Variants in SLC25A20 observed in about 807,000 individuals in gnomAD.
The protein encoded by SLC25A20 is solute carrier family 25 member 20.
Under a neutral mutation model 39.7 loss-of-function variants are expected in SLC25A20, and 29 were observed. That is an observed-to-expected ratio of 0.73 (90% CI 0.54 to 1.00). The LOEUF is 1.00. Among genes scored for constraint, SLC25A20 ranks in the 50% least tolerant of loss-of-function variants. SLC25A20 has a pLI of 0.00. For synonymous variants in SLC25A20, 103 were observed against 142.2 expected (o/e 0.72, Z 1.96); for missense variants, 333 against 379.9 (o/e 0.88, Z 1.03).
At chr3:48,890,128 T>C (rs2083862348) in intron 2 of SLC25A20, among the ~76,000 whole-genome samples, 1 of 152,210 alleles carries the variant, frequency 6.6e-6, no homozygotes. Flanking sequence ...TCCAGAGGCC[T>C]AAACCCCTCC....
intron 8 of SLC25A20, 42 bp from the exon 9 acceptor site, chr3:48,857,814 AC>A: frequency 6.3e-7 from 1 of 1,576,344 alleles, no homozygotes; most frequent in Non-Finnish European, 8.7e-7. Flanking sequence ...AGCAGGAATA[AC>A]TATTCATAGA....
At chr3:48,888,343 G>A (rs565979124) in intron 2 of SLC25A20, among the ~76,000 whole-genome samples, 23 of 151,328 alleles carry the variant, frequency 1.5e-4, no homozygotes, top group Admixed American at 3.3e-4. Flanking sequence ...AGGCTGAGGC[G>A]GGCAGATCAC....
intron 4 of SLC25A20, among the ~76,000 whole-genome samples, chr3:48,872,434 G>GTTGATTT (rs1214201517): frequency 1.3e-5 from 2 of 151,076 alleles, no homozygotes; most frequent in East Asian, 3.9e-4. Flanking sequence ...CCGGCCCCCA[G>GTTGATTT]TTGATTTTTT....
At chr3:48,877,025 G>A (rs894173501) in intron 4 of SLC25A20, among the ~76,000 whole-genome samples, 6 of 152,074 alleles carry the variant, frequency 3.9e-5, no homozygotes, top group Non-Finnish European at 7.4e-5. Context: ...GAAGCCAGGA[G>A]GCAGAGGTTG....
intron 4 of SLC25A20, among the ~76,000 whole-genome samples, chr3:48,864,389 T>C (rs1366308043): frequency 7.2e-6 from 1 of 138,766 alleles, no homozygotes; most frequent in Admixed American, 7.3e-5. Context: ...AACAAATATG[T>C]GAATTAAGCA....
At chr3:48,879,570 C>CCCATCTCTACTAAAAA in intron 3 of SLC25A20, 122 bp from the exon 4 acceptor site, 1 of 738,706 alleles carries the variant, frequency 1.4e-6, no homozygotes. Flanking sequence ...GGGTAGAAGC[C>CCCATCTCTACTAAAAA]TAGCCACAAA....
intron 2 of SLC25A20, 150 bp downstream of exon 2, chr3:48,891,829 CA>C (rs1330937010): frequency 4.0e-6 from 3 of 749,072 alleles, no homozygotes; most frequent in Non-Finnish European, 7.5e-6. Flanking sequence ...CAGATGACAA[CA>C]GGGGGGCACA....
chr3:48,876,956 C>T (rs530849746), intron 4 of SLC25A20, among the ~76,000 whole-genome samples: 3 of 151,606 alleles, frequency 2.0e-5, no homozygotes, highest in Non-Finnish European at 4.4e-5. Flanking sequence ...ATTAGCCAGG[C>T]GTGGTGGTGG....
intron 1 of SLC25A20, among the ~76,000 whole-genome samples, chr3:48,894,085 C>T (rs1575993742): frequency 2.0e-5 from 3 of 147,516 alleles, no homozygotes; most frequent in East Asian, 4.3e-4. Flanking sequence ...TGCTTGAACC[C>T]GGGAGGCAGA....
At chr3:48,890,258 C>T (rs2083863219) in intron 2 of SLC25A20, among the ~76,000 whole-genome samples, 1 of 152,174 alleles carries the variant, frequency 6.6e-6, no homozygotes, top group Admixed American at 6.6e-5. Flanking sequence ...AGGATCTCGG[C>T]TCACTGCAAG....
At chr3:48,884,499 G>A (rs543556049) in intron 2 of SLC25A20, among the ~76,000 whole-genome samples, 3 of 151,980 alleles carry the variant, frequency 2.0e-5, no homozygotes, top group Admixed American at 6.6e-5. Flanking sequence ...ACAGGCGTGC[G>A]CCACCATGCC....
At chr3:48,875,264 G>A (rs1467726985) in intron 4 of SLC25A20, among the ~76,000 whole-genome samples, 1 of 151,362 alleles carries the variant, frequency 6.6e-6, no homozygotes, top group African/African-American at 2.4e-5. Context: ...TACCACACCT[G>A]GCTAATTTTT....
intron 1 of SLC25A20, among the ~76,000 whole-genome samples, chr3:48,897,827 G>A (rs1397422825): frequency 6.6e-6 from 1 of 152,174 alleles, no homozygotes; most frequent in Non-Finnish European, 1.5e-5. Context: ...GCAATGACTT[G>A]TCAATTTCCT....
At chr3:48,875,673 C>G (rs71324927) in intron 4 of SLC25A20, among the ~76,000 whole-genome samples, 1 of 152,110 alleles carries the variant, frequency 6.6e-6, no homozygotes, top group African/African-American at 2.4e-5. Flanking sequence ...GCCTCACAAA[C>G]TGCTGGGATT....
intron 1 of SLC25A20, among the ~76,000 whole-genome samples, chr3:48,892,927 A>G (rs567957944): frequency 2.4e-4 from 36 of 152,204 alleles, no homozygotes; most frequent in Non-Finnish European, 4.6e-4. Context: ...AGGAACTGCC[A>G]GACTGTTTTG....
At chr3:48,884,342 G>GT (rs1009899793) in intron 2 of SLC25A20, among the ~76,000 whole-genome samples, 4 of 151,962 alleles carry the variant, frequency 2.6e-5, no homozygotes, top group Admixed American at 1.3e-4. Context: ...AAGGCAATCT[G>GT]TTTTTGTTTT....
At chr3:48,873,826 G>A (rs935453447) in intron 4 of SLC25A20, among the ~76,000 whole-genome samples, 5 of 151,210 alleles carry the variant, frequency 3.3e-5, no homozygotes, top group South Asian at 4.2e-4. Context: ...AAAATTAGCC[G>A]GGCACGGTGG....
chr3:48,865,772 CAAAA>C (rs1202666164), intron 4 of SLC25A20, among the ~76,000 whole-genome samples: 1 of 78,074 alleles, frequency 1.3e-5, no homozygotes, highest in African/African-American at 4.9e-5. Flanking sequence ...CTGTCTCAAA[CAAAA>C]AAAAAAAAAA....
chr3:48,878,262 C>CAA (rs1257374907), intron 4 of SLC25A20, among the ~76,000 whole-genome samples: 77 of 106,716 alleles, frequency 7.2e-4, no homozygotes, highest in Middle Eastern at 4.5e-3. Context: ...TCCATCTCCA[C>CAA]AAAAAAAAAA....
Sources: gnomAD v4.1 joint callset for allele counts (sites outside exome capture counted in the v4.1 genomes callset) on GRCh38, gnomAD v4.1.1 for gene constraint, MANE v1.5 for transcripts, NCBI Gene and HGNC (gene_info 2026-07-23, HGNC 2026-07-21) for gene names.